ADGRD1: variants seen among roughly 807,000 people sequenced by gnomAD.
The protein encoded by ADGRD1 is adhesion G protein-coupled receptor D1, also known as G-protein coupled receptor 133.
A neutral mutation model predicts 113.4 loss-of-function variants in ADGRD1; 77 were observed. The ratio of observed to expected loss-of-function variants is 0.68; its 90% confidence interval spans 0.57 to 0.82. The LOEUF is 0.82. ADGRD1 is among the 40% of genes least tolerant of loss of function. The pLI, the probability that ADGRD1 is intolerant of heterozygous loss-of-function variation, is 0.00. For synonymous variants in ADGRD1, 474 were observed against 475.0 expected, an observed-to-expected ratio of 1.00 and a Z score of 0.03; for missense variants, 1,036 against 1,139.1, an observed-to-expected ratio of 0.91 and a Z score of 1.30.
intron 5 of ADGRD1, among the ~76,000 whole-genome samples, chr12:130,986,643 T>C (rs1873725008): frequency 6.6e-6 from 1 of 152,222 alleles, no homozygotes; most frequent in East Asian, 1.9e-4. Context: ...TTTCCTTTTT[T>C]TTCCTTTTTT....
At chr12:131,129,210 C>G (rs112820220) in intron 20 of ADGRD1, among the ~76,000 whole-genome samples, 4 of 100,724 alleles carry the variant, frequency 4.0e-5, no homozygotes, top group African/African-American at 4.9e-5. Flanking sequence ...GTGACAGCCC[C>G]GCCCTGCTGT....
intron 13 of ADGRD1, among the ~76,000 whole-genome samples, chr12:131,021,945 G>A (rs1443014673): frequency 1.3e-5 from 2 of 152,142 alleles, no homozygotes; most frequent in South Asian, 2.1e-4. Context: ...GGGCTCAGGC[G>A]ATTCTGCCTC....
intron 5 of ADGRD1, among the ~76,000 whole-genome samples, 192 bp downstream of exon 5, chr12:130,982,255 G>A (rs928728285): frequency 6.6e-6 from 1 of 152,156 alleles, no homozygotes; most frequent in African/African-American, 2.4e-5. Flanking sequence ...TTGGTAAGCC[G>A]CCTTTGGTTG....
In ADGRD1 at chr12:131,004,188, T is replaced by G; in HGVS notation, c.1147T>G (p.Phe383Val). The G allele has an allele frequency of 1.2e-6, 2 of 1,610,690 alleles. 1 individual carries two copies. The change falls in exon 11 of 25, where the codon TTT (phenylalanine) becomes GTT (valine). Residue 383 changes from phenylalanine to valine, a missense_variant and splice_region_variant. Coordinates refer to ENST00000261654, the MANE Select transcript of ADGRD1 (RefSeq NM_198827.5). ...CTCTCTCGCTCCTTCCACCGCAGAG[T>G]TTTCCGTGGCCAAAATCCTGCCCAA... Reference protein sequence around the residue: ...TVEGSSAMAEFSVAKILPKTV... With the variant: ...TVEGSSAMAEVSVAKILPKTV...
intron 13 of ADGRD1, chr12:131,070,874 A>G (rs750390628): frequency 5.8e-6 from 3 of 518,962 alleles, no homozygotes; most frequent in Non-Finnish European, 1.2e-5. Context: ...TCTGCACGGG[A>G]CGTCCTGGAG....
chr12:131,089,166 G>A (rs1886723198), intron 15 of ADGRD1, among the ~76,000 whole-genome samples: 1 of 152,246 alleles, frequency 6.6e-6, no homozygotes, highest in South Asian at 2.1e-4. Flanking sequence ...GGCATGTGAA[G>A]AACTTCCCTT....
intron 18 of ADGRD1, among the ~76,000 whole-genome samples, chr12:131,110,664 C>G (rs922355323): frequency 6.6e-6 from 1 of 152,100 alleles, no homozygotes; most frequent in Non-Finnish European, 1.5e-5. Flanking sequence ...TTCTGGTTCT[C>G]TGTATTTTTT....
At chr12:130,981,763 G>T (rs1046113081) in intron 4 of ADGRD1, 121 bp from the exon 5 acceptor site, 4 of 678,628 alleles carry the variant, frequency 5.9e-6, no homozygotes, top group Non-Finnish European at 1.0e-5. Flanking sequence ...AACATACACT[G>T]CCTTTAGAAT....
At position 131,014,239 on chromosome 12, in the gene ADGRD1, G is replaced by T; in HGVS notation, c.1372G>T (p.Ala458Ser). 2 of 1,613,984 alleles carry T rather than the reference G, an allele frequency of 1.2e-6. No homozygotes were observed. Among genetic ancestry groups the T allele is most frequent in the Non-Finnish European group, 1.7e-6 (2 of 1,179,940 alleles). Residue 458 changes from alanine (A) to serine (S), a missense_variant, in exon 13 of 25, where the codon GCC becomes TCC. Ala to Ser is a moderately conservative substitution (Grantham distance 99, BLOSUM62 1). Transcript: ENST00000261654. ...GCATCACCAGGACTGCCTGCTGTTCGCCACCAGCCACCTGATTTCCCTGGA... is the reference window on the plus strand; with the variant it reads ...GCATCACCAGGACTGCCTGCTGTTCTCCACCAGCCACCTGATTTCCCTGGA... ...AMHHQDCLLF[A>S]TSHLISLEVS...
Position 131,041,296 on chromosome 12 carries a change from C to T in ADGRD1, c.1473+26956C>T, listed in dbSNP as rs184765391. On this transcript the variant is annotated intron_variant, in intron 13 of 24. Transcript: ENST00000261654. The surrounding 1 kb of genome is among the most constrained non-coding windows in gnomAD (Gnocchi z 4.4). Reference sequence around the variant, plus strand: ...AGGGTGTGGGTGGGGGATGTGGGTGCAAAGGAGCTGCAGAGGATACCAGCC... The same window carrying T: ...AGGGTGTGGGTGGGGGATGTGGGTGTAAAGGAGCTGCAGAGGATACCAGCC... 2.5e-3 allele frequency among the ~76,000 whole-genome samples: 382 copies of T among 152,118 alleles called. No individual in the cohort carries two copies. Among genetic ancestry groups the T allele is most frequent in the African/African-American group, 8.9e-3 (371 of 41,488 alleles).
chr12:131,040,561 A>G (rs1882019418), intron 13 of ADGRD1, among the ~76,000 whole-genome samples: 1 of 152,262 alleles, frequency 6.6e-6, no homozygotes, highest in African/African-American at 2.4e-5. Context: ...CACCGTGGGC[A>G]GCCTGCCCCT....
chr12:131,039,410 C>T (rs538170233), intron 13 of ADGRD1, among the ~76,000 whole-genome samples: 6 of 152,340 alleles, frequency 3.9e-5, no homozygotes, highest in South Asian at 4.1e-4. Flanking sequence ...ATAGATTTCC[C>T]GGTCTAGACC....
intron 12 of ADGRD1, among the ~76,000 whole-genome samples, chr12:131,013,161 C>A (rs964830542): frequency 1.3e-5 from 2 of 152,136 alleles, no homozygotes; most frequent in African/African-American, 4.8e-5. Flanking sequence ...AGCTCATAAC[C>A]CCACGAGACA....
chr12:131,085,413 GGGGAGGC>G lies in ADGRD1; in HGVS notation c.1671+758_1671+764del, dbSNP rs1282508675. ...GGAGCACCCTGAGCTCCAAGGCCCT[GGGGAGGC>G]GGGAGGCAGGGAGGAGCAGGCTCGG... On this transcript the variant is annotated intron_variant, in intron 15 of 24. Transcript: ENST00000261654. 4.7e-5 allele frequency among the ~76,000 whole-genome samples: 7 copies of G among 148,648 alleles called. No individual in the cohort carries two copies. In the East Asian group the frequency reaches 7.8e-4, roughly 16 times the overall value.
Position 130,966,647 on chromosome 12 carries a change from T to C in ADGRD1, c.187+101T>C, listed in dbSNP as rs543097420. The C allele has an allele frequency of 5.5e-4, 422 of 767,508 alleles. 2 individuals carry two copies. Among genetic ancestry groups the C allele is most frequent in the East Asian group, 5.2e-4 (21 of 40,214 alleles). The allele number at this position is 767,508 out of a possible 1,614,324, so 47.5% of individuals were successfully genotyped here. On this transcript the variant is annotated intron_variant, in intron 3 of 24. Transcript: ENST00000261654. This position sits in a 1 kb window ranked among gnomAD's most constrained non-coding sequence, Gnocchi z 4.6. The stretch of plus-strand genomic sequence containing the variant: ...GGCTGGCCTTGAAATCCCAGGGCCA[T>C]TGGGGGACGTGGGTGCTGAGAGTGA...
chr12:130,961,390 T>C (rs1340075930), intron 2 of ADGRD1, among the ~76,000 whole-genome samples: 1 of 152,010 alleles, frequency 6.6e-6, no homozygotes, highest in Non-Finnish European at 1.5e-5. Flanking sequence ...CCCCTTTTTC[T>C]CTCTGCCCTT....
At chr12:131,014,790 T>C (rs967247655) in intron 13 of ADGRD1, among the ~76,000 whole-genome samples, 5 of 152,256 alleles carry the variant, frequency 3.3e-5, no homozygotes, top group Admixed American at 2.0e-4. Flanking sequence ...TGATAAGCTC[T>C]TGGTCCTGAT....
intron 8 of ADGRD1, among the ~76,000 whole-genome samples, chr12:130,993,258 C>G (rs1326289849): frequency 6.6e-6 from 1 of 151,936 alleles, no homozygotes; most frequent in Non-Finnish European, 1.5e-5. Context: ...TTGCTGAAGT[C>G]ACACCCAAAG....
intron 8 of ADGRD1, among the ~76,000 whole-genome samples, chr12:130,997,420 G>A (rs1248225141): frequency 2.1e-5 from 3 of 142,624 alleles, no homozygotes; most frequent in Admixed American, 6.8e-5. Context: ...GGCGGCTGCC[G>A]GGCGGAGGGG....
Sources: allele counts gnomAD v4.1 joint callset (sites outside exome capture counted in the v4.1 genomes callset), GRCh38; gene constraint gnomAD v4.1.1; non-coding constraint Gnocchi (gnomAD v3.1); transcripts MANE v1.5; gene names NCBI Gene and HGNC (gene_info 2026-07-23, HGNC 2026-07-21).